CENPW: variants seen among roughly 807,000 people sequenced by gnomAD.
CENPW encodes centromere protein W.
In CENPW, 3 loss-of-function variants were observed where a neutral mutation model predicts 11.1. The observed-to-expected ratio is 0.27, with a 90% CI of 0.12 to 0.70. The LOEUF (loss-of-function observed/expected upper bound fraction) is 0.70, where lower values mean the gene tolerates loss of function less well. CENPW is among the 30% of genes least tolerant of loss of function. CENPW has a pLI of 0.77. For missense variants in CENPW, 100 were observed against 105.6 expected, an observed-to-expected ratio of 0.95 and a Z score of 0.23; for synonymous variants, 38 against 42.0, an observed-to-expected ratio of 0.91 and a Z score of 0.37.
chr6:126,424,515 G>A, the CENPW span, among the ~76,000 whole-genome samples: 8 of 152,142 alleles, frequency 5.3e-5, no homozygotes, highest in Admixed American at 5.2e-4. Flanking sequence ...AATTTGTGGA[G>A]AAGGGATTTA....
At chr6:126,363,544 A>C in the CENPW span, among the ~76,000 whole-genome samples, 1 of 152,154 alleles carries the variant, frequency 6.6e-6, no homozygotes, top group Admixed American at 6.5e-5. Flanking sequence ...TAAATCTGAC[A>C]TTTGATACTA....
At chr6:126,376,167 GTGAA>G in the CENPW span, among the ~76,000 whole-genome samples, 1 of 152,146 alleles carries the variant, frequency 6.6e-6, no homozygotes, top group Admixed American at 6.5e-5. Flanking sequence ...ACTGAGGCGA[GTGAA>G]TGAATAAATT....
At chr6:126,460,701 G>A in the CENPW span, among the ~76,000 whole-genome samples, 1 of 151,790 alleles carries the variant, frequency 6.6e-6, no homozygotes, top group African/African-American at 2.4e-5. Context: ...AGAGACCTCA[G>A]TATAGAACCT....
At chr6:126,343,757 C>T (rs552727652) in intron 1 of CENPW, among the ~76,000 whole-genome samples, 1 of 152,290 alleles carries the variant, frequency 6.6e-6, no homozygotes, top group Non-Finnish European at 1.5e-5. Context: ...CTTCTGCCTG[C>T]TTTATTCTAG....
In CENPW at chr6:126,345,946, A is replaced by G. The variant is rs576717710; in HGVS notation, c.127-259A>G. Among the ~76,000 whole-genome samples, 24 of 152,328 alleles carry G rather than the reference A, an allele frequency of 1.6e-4. No homozygotes were observed. In the South Asian group the frequency reaches 4.6e-3, roughly 29 times the overall value. On this transcript the variant is annotated intron_variant, in intron 1 of 2. Coordinates refer to ENST00000368328, the MANE Select transcript of CENPW (RefSeq NM_001012507.4). ...GAATCTTACATACGTTTTGATATGT[A>G]ATGATGCTTTACAAAATGGCCTTTG...
At chr6:126,370,181 T>A in the CENPW span, among the ~76,000 whole-genome samples, 1 of 152,252 alleles carries the variant, frequency 6.6e-6, no homozygotes, top group Non-Finnish European at 1.5e-5. Context: ...GGCCTTATAG[T>A]ATAGTTTGAA....
chr6:126,415,284 T>A, the CENPW span, among the ~76,000 whole-genome samples: 1 of 152,198 alleles, frequency 6.6e-6, no homozygotes, highest in African/African-American at 2.4e-5. Context: ...TATTTATTGT[T>A]TTTATTCACT....
the CENPW span, among the ~76,000 whole-genome samples, chr6:126,405,115 G>T: frequency 6.6e-6 from 1 of 152,034 alleles, no homozygotes; most frequent in African/African-American, 2.4e-5. Context: ...GTTTTCGTCA[G>T]GTAGATTTAT....
the CENPW span, among the ~76,000 whole-genome samples, chr6:126,459,789 G>A: frequency 1.3e-5 from 2 of 151,522 alleles, no homozygotes; most frequent in Non-Finnish European, 3.0e-5. Flanking sequence ...CCATTAAACA[G>A]CTTCTTTTTC....
the CENPW span, among the ~76,000 whole-genome samples, chr6:126,411,264 T>G: frequency 6.6e-6 from 1 of 152,156 alleles, no homozygotes; most frequent in Non-Finnish European, 1.5e-5. Context: ...TCAACAATAA[T>G]TGTTGGTGGC....
chr6:126,441,786 G>A, the CENPW span, among the ~76,000 whole-genome samples: 7 of 151,532 alleles, frequency 4.6e-5, no homozygotes, highest in East Asian at 1.9e-4. Context: ...CTATCATTTC[G>A]TTCCTTTCAG....
chr6:126,354,147 T>A, the CENPW span, among the ~76,000 whole-genome samples: 2 of 152,096 alleles, frequency 1.3e-5, no homozygotes, highest in African/African-American at 4.8e-5. Flanking sequence ...GGTATTTTGT[T>A]AAATAAAAAA....
the CENPW span, among the ~76,000 whole-genome samples, chr6:126,421,738 C>T: frequency 1.2e-4 from 18 of 152,126 alleles, no homozygotes; most frequent in Non-Finnish European, 7.4e-5. Context: ...CTCTATCAGT[C>T]AAAGATTGTA....
At chr6:126,385,021 ATGAT>A in the CENPW span, among the ~76,000 whole-genome samples, 6 of 152,078 alleles carry the variant, frequency 3.9e-5, no homozygotes, top group African/African-American at 1.2e-4. Context: ...CTCAATATGA[ATGAT>A]TATTAGAGAA....
chr6:126,386,480 T>C, the CENPW span, among the ~76,000 whole-genome samples: 3 of 152,058 alleles, frequency 2.0e-5, no homozygotes, highest in Non-Finnish European at 4.4e-5. Context: ...TTGCTTGGAA[T>C]TTAATGGTCA....
At chr6:126,416,158 G>A in the CENPW span, among the ~76,000 whole-genome samples, 58 of 152,284 alleles carry the variant, frequency 3.8e-4, 2 homozygotes, top group South Asian at 0.011. Flanking sequence ...TGGAACAAAG[G>A]TGATGACTCT....
At chr6:126,362,935 C>G in the CENPW span, among the ~76,000 whole-genome samples, 1 of 152,106 alleles carries the variant, frequency 6.6e-6, no homozygotes, top group Non-Finnish European at 1.5e-5. Flanking sequence ...TTGTATGGAG[C>G]TGGGACAGTT....
At chr6:126,391,015 A>G in the CENPW span, among the ~76,000 whole-genome samples, 1 of 151,730 alleles carries the variant, frequency 6.6e-6, no homozygotes, top group African/African-American at 2.4e-5. Context: ...GGACAATATT[A>G]TAGCTGTATT....
chr6:126,471,633 G>A, the CENPW span, among the ~76,000 whole-genome samples: 5 of 152,154 alleles, frequency 3.3e-5, no homozygotes, highest in East Asian at 1.9e-4. Context: ...AAAATAAACA[G>A]TCTAGAACTA....
Sources: allele counts gnomAD v4.1 joint callset (sites outside exome capture counted in the v4.1 genomes callset), GRCh38; gene constraint gnomAD v4.1.1; transcripts MANE v1.5; gene names NCBI Gene and HGNC (gene_info 2026-07-23, HGNC 2026-07-21).